Variants in BZW2 observed in about 807,000 individuals in gnomAD.
The protein encoded by BZW2 is basic leucine zipper and W2 domains 2.
BZW2 carries 23 observed loss-of-function variants against 53.2 expected under a neutral mutation model. That is an observed-to-expected ratio of 0.43 (90% CI 0.31 to 0.61). The LOEUF is 0.61. Ranked by LOEUF, BZW2 falls within the 20% of genes least tolerant of loss-of-function variation. BZW2 has a pLI of 0.09. For synonymous variants in BZW2, 227 were observed against 186.4 expected (o/e 1.22, Z -1.77); for missense variants, 409 against 503.1 (o/e 0.81, Z 1.79).
chr7:16,696,787 A>T, intron 8 of BZW2, 128 bp from the exon 9 acceptor site: 2 of 911,762 alleles, frequency 2.2e-6, no homozygotes, highest in Non-Finnish European at 3.4e-6. Context: ...GAATGCAGAC[A>T]AGGAAAGGAG....
At chr7:16,680,748 G>A (rs113381914) in intron 3 of BZW2, among the ~76,000 whole-genome samples, 1,530 of 152,098 alleles carry the variant, frequency 0.01, 15 homozygotes, top group Non-Finnish European at 0.017. Context: ...GGTTGAGACT[G>A]CAGTGAGCCA....
At position 16,663,103 on chromosome 7, in the gene BZW2, A is replaced by T. The variant is rs972829692; in HGVS notation, c.-7-2334A>T. ...TTTCTGAATGAAACTTTTGCAGTGA[A>T]TATAAATGATGCATTAGAAGCTCTA... is the stretch of plus-strand genomic sequence containing the variant. On this transcript the variant is annotated intron_variant, in intron 1 of 11. Transcript: ENST00000258761. Among the ~76,000 whole-genome samples the T allele has an allele frequency of 2.6e-5, 4 of 152,354 alleles. No homozygotes were observed. The East Asian group carries it at 7.7e-4, about 29-fold the overall frequency.
intron 3 of BZW2, among the ~76,000 whole-genome samples, chr7:16,679,810 G>T (rs899811480): frequency 1.3e-5 from 2 of 152,194 alleles, no homozygotes; most frequent in African/African-American, 4.8e-5. Flanking sequence ...GTATATGAAA[G>T]ATATTAATCT....
chr7:16,671,793 T>A (rs553807774), intron 2 of BZW2, among the ~76,000 whole-genome samples: 5 of 152,086 alleles, frequency 3.3e-5, no homozygotes, highest in East Asian at 1.9e-4. Flanking sequence ...TAGCTGGGTG[T>A]GGTGGCATGT....
rs140745028 is a variant in BZW2, at chr7:16,652,986, C to T, written c.-8+6698C>T. 5.5e-4 allele frequency among the ~76,000 whole-genome samples: 83 copies of T among 152,252 alleles called. 2 individuals carry two copies. In the East Asian group the frequency reaches 0.016, roughly 29 times the overall value. ...CCTAGACTAGGCTTGGCATTTCTAT[C>T]CAGTTCATGCTCTCATTATGTAATA... On this transcript the variant is annotated intron_variant, in intron 1 of 11. Coordinates refer to ENST00000258761, the MANE Select transcript of BZW2 (RefSeq NM_014038.3).
intron 10 of BZW2, among the ~76,000 whole-genome samples, chr7:16,699,034 A>G (rs938805288): frequency 7.4e-4 from 113 of 152,212 alleles, no homozygotes; most frequent in African/African-American, 2.6e-3. Flanking sequence ...AAGGTTTTAG[A>G]TAAATAATAG....
chr7:16,684,510 G>A (rs931270226), intron 5 of BZW2, among the ~76,000 whole-genome samples: 17 of 152,158 alleles, frequency 1.1e-4, no homozygotes, highest in African/African-American at 3.9e-4. Flanking sequence ...ATGTGATTAA[G>A]TATATTTTAA....
At chr7:16,649,365 G>T (rs1017731869) in intron 1 of BZW2, among the ~76,000 whole-genome samples, 4 of 152,138 alleles carry the variant, frequency 2.6e-5, no homozygotes, top group Non-Finnish European at 5.9e-5. Context: ...ATCCTTCCTG[G>T]CAATGTGAGG....
chr7:16,703,453 T>C (rs947593522), intron 10 of BZW2, among the ~76,000 whole-genome samples: 5 of 152,200 alleles, frequency 3.3e-5, no homozygotes, highest in Non-Finnish European at 7.4e-5. Context: ...ACCAGTGATG[T>C]TTTAAATGAA....
intron 1 of BZW2, among the ~76,000 whole-genome samples, chr7:16,646,493 C>T (rs1028775381): frequency 1.2e-4 from 19 of 152,122 alleles, no homozygotes; most frequent in Admixed American, 3.9e-4. Context: ...GGGATGAAGA[C>T]CTCCGACTCG....
At chr7:16,656,150 T>TATATATAC in intron 1 of BZW2, among the ~76,000 whole-genome samples, 1 of 150,258 alleles carries the variant, frequency 6.7e-6, no homozygotes, top group East Asian at 1.9e-4. Flanking sequence ...TATATATATA[T>TATATATAC]ACATAAATAT....
rs1783516550 is a variant in BZW2, at chr7:16,697,010, G to T, written c.918G>T (p.Glu306Asp). 6.2e-7 allele frequency: 1 copy of T among 1,614,076 alleles called. No individual in the cohort carries two copies. Among genetic ancestry groups the T allele is most frequent in the African/African-American group, 1.3e-5 (1 of 74,942 alleles). The change falls in exon 9 of 12, where the codon GAG (glutamate) becomes GAT (aspartate). Residue 306 changes from glutamate (E) to aspartate (D), a missense_variant. Transcript: ENST00000258761. Reference protein sequence around the residue: ...LLWTCIMNAVEWNKKEELVAE... With the variant: ...LLWTCIMNAVDWNKKEELVAE... ...GGACATGTATAATGAACGCTGTTGA[G>T]TGGAACAAGAAGGAAGAACTTGTTG...
intron 3 of BZW2, among the ~76,000 whole-genome samples, chr7:16,676,701 C>G (rs972936379): frequency 6.6e-6 from 1 of 152,010 alleles, no homozygotes; most frequent in Non-Finnish European, 1.5e-5. Context: ...ATATTATTGA[C>G]TTCTAGTATT....
chr7:16,705,965 G>A lies in BZW2; in HGVS notation c.1232-95G>A, dbSNP rs560831948. 5.6e-5 allele frequency: 77 copies of A among 1,384,382 alleles called. No homozygotes were observed. In the Admixed American group the frequency reaches 8.2e-4, roughly 15 times the overall value. The allele number at this position is 1,384,382 out of a possible 1,614,324, so 85.8% of individuals were successfully genotyped here. A position where few individuals can be genotyped will look rare whatever the true frequency, so the allele number is the denominator to read the frequency against. ...GTGCCTAGGGTAAAAGTATGCTGGT[G>A]CAATGGCAGGGTTCTGGGTTGGTGA... is the stretch of plus-strand genomic sequence containing the variant. On this transcript the variant is annotated intron_variant, in intron 11 of 11. Coordinates refer to ENST00000258761, the MANE Select transcript of BZW2 (RefSeq NM_014038.3).
At chr7:16,649,778 A>G (rs957180694) in intron 1 of BZW2, among the ~76,000 whole-genome samples, 12 of 152,206 alleles carry the variant, frequency 7.9e-5, no homozygotes, top group African/African-American at 2.7e-4. Context: ...GAATTATTTC[A>G]GAACTGGATG....
rs76715073 is a variant in BZW2 at position 16,702,510 on chromosome 7, C to T, written c.1109-2037C>T. On this transcript the variant is annotated intron_variant, in intron 10 of 11. Transcript: ENST00000258761. Reference sequence around the variant, plus strand: ...ATGGTAACTTAAGAATATCAAGGCACAAGATTTGCAATAAACAATGCATTT... The same window carrying T: ...ATGGTAACTTAAGAATATCAAGGCATAAGATTTGCAATAAACAATGCATTT... Among the ~76,000 whole-genome samples the T allele has an allele frequency of 4.1e-3, 619 of 152,230 alleles. 3 individuals are homozygous for T. The highest frequency in any genetic ancestry group is 0.014 in the African/African-American group (585 of 41,544).
intron 1 of BZW2, among the ~76,000 whole-genome samples, chr7:16,656,609 C>T (rs1782132610): frequency 6.7e-6 from 1 of 148,810 alleles, no homozygotes; most frequent in African/African-American, 2.6e-5. Flanking sequence ...GTAGGTTTAG[C>T]ATACATTGAT....
At chr7:16,663,604 T>C (rs1477921737) in intron 1 of BZW2, among the ~76,000 whole-genome samples, 1 of 151,936 alleles carries the variant, frequency 6.6e-6, no homozygotes, top group Non-Finnish European at 1.5e-5. Flanking sequence ...AAGGATTTTT[T>C]AAAAAAAACT....
At chr7:16,673,112 AATTTTTTGT>A (rs1782657025) in intron 2 of BZW2, among the ~76,000 whole-genome samples, 1 of 151,992 alleles carries the variant, frequency 6.6e-6, no homozygotes, top group African/African-American at 2.4e-5. Flanking sequence ...ACCCCTGGCT[AATTTTTTGT>A]ATTTTTAGTA....
Sources: gnomAD v4.1 joint callset for allele counts (sites outside exome capture counted in the v4.1 genomes callset) on GRCh38, gnomAD v4.1.1 for gene constraint, MANE v1.5 for transcripts, NCBI Gene and HGNC (gene_info 2026-07-23, HGNC 2026-07-21) for gene names.